The following ASAP2 variants were observed in gnomAD, a reference collection of about 807,000 sequenced individuals.
The protein encoded by ASAP2 is arf-GAP with SH3 domain, ANK repeat and PH domain-containing protein 2.
ASAP2 carries 45 observed loss-of-function variants against 131.4 expected under a neutral mutation model. That is an observed-to-expected ratio of 0.34 (90% confidence interval 0.27 to 0.44). The LOEUF (loss-of-function observed/expected upper bound fraction) is 0.44. Ranked by LOEUF, ASAP2 falls within the 20% of genes least tolerant of loss-of-function variation. The probability of loss-of-function intolerance (pLI) is 1.00; values close to 1 mark genes in which losing one functional copy is unlikely to be tolerated. For missense variants in ASAP2, 1,011 were observed against 1,297.0 expected (o/e 0.78, Z 3.39); for synonymous variants, 510 against 503.0 (o/e 1.01, Z -0.19).
At chr2:9,321,435 G>A (rs1019932877) in intron 5 of ASAP2, among the ~76,000 whole-genome samples, 2 of 152,190 alleles carry the variant, frequency 1.3e-5, no homozygotes, top group Non-Finnish European at 2.9e-5. Flanking sequence ...ATTCAGCCCA[G>A]GGAGGCCCCC....
At chr2:9,292,439 AC>A (rs962925546) in intron 2 of ASAP2, among the ~76,000 whole-genome samples, 2 of 152,086 alleles carry the variant, frequency 1.3e-5, no homozygotes, top group Non-Finnish European at 2.9e-5. Context: ...AATCACTTGA[AC>A]CCAGGAGTTG....
At chr2:9,345,400 C>T (rs963669598) in intron 11 of ASAP2, among the ~76,000 whole-genome samples, 4 of 152,116 alleles carry the variant, frequency 2.6e-5, no homozygotes, top group Admixed American at 2.0e-4. Flanking sequence ...TATGAAAAGC[C>T]GGTCAGGATA....
chr2:9,340,997 C>CT lies in ASAP2; in HGVS notation c.850-3534dup, dbSNP rs1297927847. 2.0e-5 allele frequency among the ~76,000 whole-genome samples: 3 copies of CT among 152,206 alleles called. No individual in the cohort carries two copies. The East Asian group carries it at 5.8e-4, about 29-fold the overall frequency. ...GCATACTCAGGCACACAAACAGTCCCTGCACGTTGAGGCTTTGTCAGTCGA... is the reference window on the plus strand; with the variant it reads ...GCATACTCAGGCACACAAACAGTCCCTTGCACGTTGAGGCTTTGTCAGTCGA... On this transcript the variant is annotated intron_variant, in intron 9 of 27. Transcript: ENST00000281419.
intron 6 of ASAP2, among the ~76,000 whole-genome samples, chr2:9,325,890 A>G (rs1036464795): frequency 1.2e-4 from 19 of 152,198 alleles, no homozygotes; most frequent in African/African-American, 4.6e-4. Context: ...TACTATATGC[A>G]TGCATAAAAG....
chr2:9,258,304 C>T (rs1428736345), intron 1 of ASAP2, among the ~76,000 whole-genome samples: 1 of 143,240 alleles, frequency 7.0e-6, no homozygotes. Flanking sequence ...GAAATAAATG[C>T]TATTCACAGT....
At position 9,400,196 on chromosome 2, in the gene ASAP2, CT is replaced by C. The variant is rs1175440374; in HGVS notation, c.2734+125del. On this transcript the variant is annotated intron_variant, in intron 25 of 27. Transcript: ENST00000281419. ...AGCTGTCTGCCATTCCACAGCCCTC[CT>C]GCCCCCTCCCCTCCTGCCCCCTCCC... 3.5e-5 allele frequency: 36 copies of C among 1,025,998 alleles called. 1 individual carries two copies. The African/African-American group carries it at 4.5e-4, about 13-fold the overall frequency. The allele number at this position is 1,025,998 out of a possible 1,614,324, so 63.6% of individuals were successfully genotyped here.
At chr2:9,275,694 C>T (rs751242283) in intron 1 of ASAP2, among the ~76,000 whole-genome samples, 1 of 152,178 alleles carries the variant, frequency 6.6e-6, no homozygotes, top group Non-Finnish European at 1.5e-5. Flanking sequence ...GCACTGTTGC[C>T]TGGCACTTGA....
chr2:9,388,236 A>T, intron 21 of ASAP2, 58 bp from the exon 22 acceptor site: 1 of 1,599,094 alleles, frequency 6.3e-7, no homozygotes, highest in Non-Finnish European at 8.5e-7. Context: ...GTTGAATGTT[A>T]TCACCAGGAG....
chr2:9,245,694 G>A (rs1349705638), intron 1 of ASAP2, among the ~76,000 whole-genome samples: 4 of 152,150 alleles, frequency 2.6e-5, no homozygotes, highest in East Asian at 1.9e-4. Flanking sequence ...GCCTGGGGGC[G>A]CTTGCAGGAT....
intron 6 of ASAP2, among the ~76,000 whole-genome samples, chr2:9,327,375 A>G (rs1488915759): frequency 6.6e-6 from 1 of 152,210 alleles, no homozygotes; most frequent in African/African-American, 2.4e-5. Context: ...TTTTCCAACA[A>G]TCACATTATT....
At chr2:9,351,826 T>G in intron 12 of ASAP2, among the ~76,000 whole-genome samples, 1 of 152,188 alleles carries the variant, frequency 6.6e-6, no homozygotes, top group Non-Finnish European at 1.5e-5. Context: ...TCCTCCCTGT[T>G]CCCCTTCTCA....
At chr2:9,289,731 A>G (rs1313162032) in intron 2 of ASAP2, among the ~76,000 whole-genome samples, 1 of 152,184 alleles carries the variant, frequency 6.6e-6, no homozygotes, top group Non-Finnish European at 1.5e-5. Flanking sequence ...GCAGGATCAA[A>G]GAGGATGGGA....
intron 1 of ASAP2, among the ~76,000 whole-genome samples, chr2:9,243,071 A>G (rs951986647): frequency 6.6e-6 from 1 of 152,180 alleles, no homozygotes; most frequent in African/African-American, 2.4e-5. Context: ...AAGAACAGGA[A>G]TGTTTTGCCC....
chr2:9,315,432 T>C lies in ASAP2; in HGVS notation c.346-3092T>C, dbSNP rs532383815. Among the ~76,000 whole-genome samples the C allele has an allele frequency of 2.0e-5, 3 of 152,192 alleles. No individual in the cohort carries two copies. The East Asian group carries it at 5.8e-4, about 29-fold the overall frequency. ...ATGTAGGGTTAAGACCTGGAATTTG[T>C]TGAGAAGCGTGCCGCACGGCTGGGT... On this transcript the variant is annotated intron_variant, in intron 3 of 27. Coordinates refer to ENST00000281419, the MANE Select transcript of ASAP2 (RefSeq NM_003887.3).
Position 9,266,224 on chromosome 2 carries a change from G to T in ASAP2, c.127-13093G>T, listed in dbSNP as rs146957746. Among the ~76,000 whole-genome samples the T allele has an allele frequency of 3.5e-3, 501 of 144,724 alleles. 5 individuals are homozygous for T. Among genetic ancestry groups the T allele is most frequent in the African/African-American group, 0.012 (468 of 37,988 alleles). 94.9% of individuals were successfully genotyped at this position (144,724 alleles called of 152,430 possible). A position where few individuals can be genotyped will look rare whatever the true frequency, so the allele number is the denominator to read the frequency against. On this transcript the variant is annotated intron_variant, in intron 1 of 27. Coordinates refer to ENST00000281419, the MANE Select transcript of ASAP2 (RefSeq NM_003887.3). ...TTCAGTGGCACAGTCATAGCCCACT[G>T]CAGCCTCGACTTCCCAGACTCAAGT...
At chr2:9,378,288 T>C (rs1674557233) in intron 18 of ASAP2, among the ~76,000 whole-genome samples, 2 of 152,168 alleles carry the variant, frequency 1.3e-5, no homozygotes, top group South Asian at 4.1e-4. Flanking sequence ...TGAGGGCCTG[T>C]CCCATGTCTG....
chr2:9,266,210 A>C lies in ASAP2; in HGVS notation c.127-13107A>C, dbSNP rs1250996594. 2.1e-5 allele frequency among the ~76,000 whole-genome samples: 3 copies of C among 146,002 alleles called. No individual in the cohort carries two copies. In the South Asian group the frequency reaches 6.4e-4, roughly 31 times the overall value. On this transcript the variant is annotated intron_variant, in intron 1 of 27. Coordinates refer to ENST00000281419, the MANE Select transcript of ASAP2 (RefSeq NM_003887.3). ...TGCCCAGGCTAGAGTTCAGTGGCAC[A>C]GTCATAGCCCACTGCAGCCTCGACT...
intron 12 of ASAP2, among the ~76,000 whole-genome samples, chr2:9,353,911 G>A (rs957419691): frequency 1.3e-5 from 2 of 152,154 alleles, no homozygotes; most frequent in African/African-American, 4.8e-5. Flanking sequence ...GGAGTTTGAG[G>A]CTGCAGTGAG....
At chr2:9,229,857 A>AT (rs1169147742) in intron 1 of ASAP2, among the ~76,000 whole-genome samples, 3 of 152,034 alleles carry the variant, frequency 2.0e-5, no homozygotes. Context: ...TCCCCTGTAA[A>AT]TTGTGGGTGG....
Sources: gnomAD v4.1 joint callset for allele counts (sites outside exome capture counted in the v4.1 genomes callset) on GRCh38, gnomAD v4.1.1 for gene constraint, MANE v1.5 for transcripts, NCBI Gene and HGNC (gene_info 2026-07-23, HGNC 2026-07-21) for gene names.